CPSF6: variants seen among roughly 807,000 people sequenced by gnomAD.
CPSF6 encodes cleavage and polyadenylation specific factor 6, also known as cleavage and polyadenylation specificity factor subunit 6.
A neutral mutation model predicts 56.7 loss-of-function variants in CPSF6; 10 were observed. The ratio of observed to expected loss-of-function variants is 0.18; its 90% CI spans 0.11 to 0.30. CPSF6 has a LOEUF of 0.30. Ranked by LOEUF, CPSF6 falls within the 10% of genes least tolerant of loss-of-function variation. The pLI is 1.00. For missense variants in CPSF6, 419 were observed against 722.9 expected, an observed-to-expected ratio of 0.58 and a Z score of 4.82; for synonymous variants, 248 against 244.8, an observed-to-expected ratio of 1.01 and a Z score of -0.12.
At chr12:69,250,979 A>C in intron 1 of CPSF6, 150 bp from the exon 2 acceptor site, 1 of 753,208 alleles carries the variant, frequency 1.3e-6, no homozygotes, top group Non-Finnish European at 2.1e-6. Context: ...TCAAGAATAC[A>C]TCTATTGCAT....
intron 6 of CPSF6, 119 bp downstream of exon 6, chr12:69,259,213 T>C (rs1261212894): frequency 1.6e-6 from 2 of 1,289,526 alleles, no homozygotes; most frequent in Non-Finnish European, 2.1e-6. Context: ...ATGAGGTGTT[T>C]AAGCTGCTAC....
At chr12:69,253,678 A>AAAAT (rs918934549) in intron 3 of CPSF6, among the ~76,000 whole-genome samples, 35 of 152,094 alleles carry the variant, frequency 2.3e-4, no homozygotes, top group Admixed American at 1.2e-3. Context: ...CTTTTTCCTA[A>AAAAT]AAATAAATAA....
chr12:69,258,040 T>A lies in CPSF6; in HGVS notation c.694+135T>A. On this transcript the variant is annotated intron_variant, in intron 5 of 9. Coordinates refer to ENST00000435070, the MANE Select transcript of CPSF6 (RefSeq NM_007007.3). The surrounding 1 kb of genome is among the most constrained non-coding windows in gnomAD (Gnocchi z 4.2). Reference sequence around the variant, plus strand: ...ATGCTATTTTTGGAATCCAGGAAATTTGATCAAGCATCTTGTTAAAGGAAC... The same window carrying A: ...ATGCTATTTTTGGAATCCAGGAAATATGATCAAGCATCTTGTTAAAGGAAC... The A allele has an allele frequency of 6.5e-7, 1 of 1,541,074 alleles. No individual in the cohort carries two copies. The highest frequency in any genetic ancestry group is 8.7e-7 in the Non-Finnish European group (1 of 1,145,816).
At position 69,271,812 on chromosome 12, in the gene CPSF6, TTAA is replaced by T; in HGVS notation, c.*2306_*2308del. 6.6e-6 allele frequency: 1 copy of T among 151,790 alleles called. No homozygotes were observed. The highest frequency in any genetic ancestry group is 3.4e-3 in the Middle Eastern group (1 of 294). The allele number at this position is 151,790 out of a possible 1,614,324, so 9.4% of individuals were successfully genotyped here. A position where few individuals can be genotyped will look rare whatever the true frequency, so the allele number is the denominator to read the frequency against. ...CATACCCCCTTCAGTTGTTTATGGGTTAATGTTATTTGAAAACTCTTCCTTTTT... is the reference window on the plus strand; with the variant it reads ...CATACCCCCTTCAGTTGTTTATGGGTTGTTATTTGAAAACTCTTCCTTTTT... On this transcript the variant is annotated 3_prime_UTR_variant, in exon 10 of 10. Coordinates refer to ENST00000435070, the MANE Select transcript of CPSF6 (RefSeq NM_007007.3).
intron 2 of CPSF6, among the ~76,000 whole-genome samples, chr12:69,252,719 G>A (rs1405920924): frequency 6.6e-6 from 1 of 152,120 alleles, no homozygotes; most frequent in African/African-American, 2.4e-5. Flanking sequence ...TTCCTTTAAT[G>A]GGAGGAAGTG....
chr12:69,258,910 C>T lies in CPSF6; in HGVS notation c.1015C>T (p.Pro339Ser). 1 of 1,614,166 alleles carries T rather than the reference C, an allele frequency of 6.2e-7. No homozygotes were observed. Among genetic ancestry groups the T allele is most frequent in the Non-Finnish European group, 8.5e-7 (1 of 1,180,024 alleles). ...ACTTGGGCCACCCCTTACACTAGCT[C>T]CTCCTCCGCATCTTCCTGGACCACC... ...GPLGPPLTLA[P>S]PPHLPGPPPG... The change falls in exon 6 of 10, where the codon CCT becomes TCT. Residue 339 changes from proline to serine, a missense_variant. Coordinates refer to ENST00000435070, the MANE Select transcript of CPSF6 (RefSeq NM_007007.3). The surrounding 1 kb of genome is among the most constrained non-coding windows in gnomAD (Gnocchi z 4.2).
intron 1 of CPSF6, among the ~76,000 whole-genome samples, chr12:69,240,251 T>G (rs554674937): frequency 6.6e-6 from 1 of 152,234 alleles, no homozygotes; most frequent in East Asian, 1.9e-4. Flanking sequence ...CACGGCCCTT[T>G]GTATCCCGCG....
intron 9 of CPSF6, among the ~76,000 whole-genome samples, chr12:69,268,023 G>A (rs570896497): frequency 2.6e-5 from 4 of 151,756 alleles, no homozygotes; most frequent in African/African-American, 7.2e-5. Context: ...CCCTTCCAGC[G>A]CAACAGAAAA....
intron 9 of CPSF6, among the ~76,000 whole-genome samples, chr12:69,267,034 C>T (rs758258615): frequency 4.6e-5 from 7 of 151,774 alleles, no homozygotes; most frequent in Non-Finnish European, 8.8e-5. Flanking sequence ...TTTCTCTTGC[C>T]CACCTCATTT....
chr12:69,269,494 A>C lies in CPSF6; in HGVS notation c.*4-18A>C, dbSNP rs762355696. ...GGGGAATAGCAAAATCTACATCACA[A>C]ATTTTGACACATTACAGCTGAAGGA... On this transcript the variant is annotated intron_variant, in intron 9 of 9. Transcript: ENST00000435070. The C allele has an allele frequency of 8.8e-6, 4 of 453,858 alleles. No homozygotes were observed. Among genetic ancestry groups the C allele is most frequent in the South Asian group, 6.2e-5 (4 of 64,054 alleles). The allele number at this position is 453,858 out of a possible 1,614,324, so 28.1% of individuals were successfully genotyped here. A position where few individuals can be genotyped will look rare whatever the true frequency, so the allele number is the denominator to read the frequency against.
intron 1 of CPSF6, among the ~76,000 whole-genome samples, chr12:69,249,277 A>G (rs1261342330): frequency 6.7e-6 from 1 of 149,924 alleles, no homozygotes; most frequent in Non-Finnish European, 1.5e-5. Flanking sequence ...TCTCAAAAAA[A>G]TAAATAAATA....
intron 9 of CPSF6, among the ~76,000 whole-genome samples, chr12:69,265,319 C>T (rs545204209): frequency 2.0e-5 from 3 of 152,138 alleles, no homozygotes; most frequent in Non-Finnish European, 4.4e-5. Flanking sequence ...TACGATTGTA[C>T]ATTTTTTACT....
Position 69,267,177 on chromosome 12 carries a change from CCT to C in CPSF6, c.*4-2334_*4-2333del, listed in dbSNP as rs1301099695. ...TTAATGTGAAAATCTATAAAAGTGC[CCT>C]GTCAAGTATTTATTTAAATCTTAAA... On this transcript the variant is annotated intron_variant, in intron 9 of 9. Transcript: ENST00000435070. Among the ~76,000 whole-genome samples, 23 of 151,906 alleles carry C rather than the reference CCT, an allele frequency of 1.5e-4. No homozygotes were observed. The South Asian group carries it at 4.6e-3, about 30-fold the overall frequency.
In CPSF6 at chr12:69,257,971, C is replaced by CT. The variant is rs1445409556; in HGVS notation, c.694+71dup. ...CCTAATACCTCTTTTCCTTTTCTCTCTTTTTCAAGTAATGCATTATTAATG... is the reference window on the plus strand; with the variant it reads ...CCTAATACCTCTTTTCCTTTTCTCTCTTTTTTCAAGTAATGCATTATTAATG... On this transcript the variant is annotated intron_variant, in intron 5 of 9. Transcript: ENST00000435070. The CT allele has an allele frequency of 3.2e-6, 5 of 1,576,528 alleles. No homozygotes were observed. The African/African-American group carries it at 5.4e-5, about 17-fold the overall frequency.
intron 9 of CPSF6, among the ~76,000 whole-genome samples, chr12:69,268,986 T>C (rs977573623): frequency 6.6e-6 from 1 of 151,894 alleles, no homozygotes; most frequent in Non-Finnish European, 1.5e-5. Flanking sequence ...TTACAAATTT[T>C]GTAACATGGA....
At chr12:69,251,538 C>CT (rs1332786045) in intron 2 of CPSF6, among the ~76,000 whole-genome samples, 200 bp downstream of exon 2, 3 of 151,934 alleles carry the variant, frequency 2.0e-5, no homozygotes, top group Non-Finnish European at 4.4e-5. Flanking sequence ...GTTTTGTGGT[C>CT]ATTCAACTTT....
chr12:69,267,701 TAA>T (rs1311584242), intron 9 of CPSF6, among the ~76,000 whole-genome samples: 1 of 151,904 alleles, frequency 6.6e-6, no homozygotes, highest in Non-Finnish European at 1.5e-5. Flanking sequence ...GCATAAAATG[TAA>T]AGTGTTTAGA....
At chr12:69,255,702 C>T (rs1305165938) in intron 3 of CPSF6, among the ~76,000 whole-genome samples, 1 of 152,162 alleles carries the variant, frequency 6.6e-6, no homozygotes, top group Non-Finnish European at 1.5e-5. Context: ...CCATGCCTGG[C>T]TAATTTTTGA....
chr12:69,254,208 A>G (rs753864811), intron 3 of CPSF6, among the ~76,000 whole-genome samples: 5 of 152,076 alleles, frequency 3.3e-5, no homozygotes, highest in African/African-American at 9.7e-5. Context: ...ATTCTGCTCA[A>G]TCTTCTCATG....
Sources: allele counts gnomAD v4.1 joint callset (sites outside exome capture counted in the v4.1 genomes callset), GRCh38; gene constraint gnomAD v4.1.1; non-coding constraint Gnocchi (gnomAD v3.1); transcripts MANE v1.5; gene names NCBI Gene and HGNC (gene_info 2026-07-23, HGNC 2026-07-21).